Variants in AGBL4 observed in about 807,000 individuals in gnomAD.
AGBL4 encodes the protein AGBL carboxypeptidase 4.
In AGBL4, 58 loss-of-function variants were observed where a neutral mutation model predicts 66.4. That is an observed-to-expected ratio of 0.87 (90% confidence interval 0.71 to 1.09). AGBL4 has a LOEUF of 1.09. Among genes scored for constraint, AGBL4 ranks in the 50% least tolerant of loss-of-function variants. The pLI is 0.00. For synonymous variants in AGBL4, 234 were observed against 222.9 expected (o/e 1.05, Z -0.44); for missense variants, 579 against 631.0 (o/e 0.92, Z 0.88).
chr1:49,731,574 T>C (rs1353111770), intron 2 of AGBL4, among the ~76,000 whole-genome samples: 1 of 152,098 alleles, frequency 6.6e-6, no homozygotes, highest in Non-Finnish European at 1.5e-5. Flanking sequence ...TCATGAAACA[T>C]ATCAATTAGG....
At chr1:50,023,325 C>T (rs1336413920) in intron 1 of AGBL4, among the ~76,000 whole-genome samples, 1 of 152,194 alleles carries the variant, frequency 6.6e-6, no homozygotes, top group Non-Finnish European at 1.5e-5. Flanking sequence ...ACGTATACCT[C>T]CCTCTTTAGA....
chr1:49,602,262 C>T (rs905497950), intron 3 of AGBL4, among the ~76,000 whole-genome samples: 15 of 152,168 alleles, frequency 9.9e-5, no homozygotes, highest in African/African-American at 3.6e-4. Context: ...TCAATTAGTT[C>T]AACCATTGTG....
At chr1:48,650,465 C>A (rs1201048062) in intron 8 of AGBL4, among the ~76,000 whole-genome samples, 2 of 149,386 alleles carry the variant, frequency 1.3e-5, no homozygotes, top group Non-Finnish European at 1.5e-5. Flanking sequence ...TTCCTTCCTT[C>A]CTTCCTTCCT....
chr1:49,696,679 C>A (rs1646991570), intron 3 of AGBL4, among the ~76,000 whole-genome samples: 1 of 151,690 alleles, frequency 6.6e-6, no homozygotes, highest in Non-Finnish European at 1.5e-5. Flanking sequence ...ATTTCAAAAT[C>A]TGAAAAAAAA....
At chr1:49,253,113 A>C (rs1386103705) in intron 3 of AGBL4, among the ~76,000 whole-genome samples, 2 of 152,204 alleles carry the variant, frequency 1.3e-5, no homozygotes, top group East Asian at 3.8e-4. Context: ...TCAGAGTGGA[A>C]GCTGGATAAA....
intron 1 of AGBL4, among the ~76,000 whole-genome samples, chr1:49,980,341 C>G (rs1160930102): frequency 2.0e-5 from 3 of 152,144 alleles, no homozygotes; most frequent in South Asian, 2.1e-4. Flanking sequence ...TATTATCATG[C>G]AACAGATCTC....
intron 6 of AGBL4, among the ~76,000 whole-genome samples, chr1:48,797,691 G>C (rs750216631): frequency 6.6e-6 from 1 of 151,940 alleles, no homozygotes; most frequent in Non-Finnish European, 1.5e-5. Flanking sequence ...TTCGCCACCT[G>C]GGTTTAAGCA....
chr1:49,499,594 T>C (rs545524394), intron 3 of AGBL4, among the ~76,000 whole-genome samples: 73 of 151,958 alleles, frequency 4.8e-4, no homozygotes, highest in African/African-American at 1.7e-3. Flanking sequence ...TTCCCACTTA[T>C]AAGTGAGAAC....
At chr1:49,762,921 G>A (rs1652449273) in intron 2 of AGBL4, among the ~76,000 whole-genome samples, 1 of 152,002 alleles carries the variant, frequency 6.6e-6, no homozygotes, top group Non-Finnish European at 1.5e-5. Flanking sequence ...TTTGTTTTCT[G>A]TACTTTCGAG....
chr1:49,102,031 TAG>T (rs10674266), intron 4 of AGBL4, among the ~76,000 whole-genome samples: 74 of 144,662 alleles, frequency 5.1e-4, no homozygotes, highest in Non-Finnish European at 6.1e-4. Flanking sequence ...GGGAGAGAGA[TAG>T]AGAGAGAGAG....
At chr1:49,319,486 A>AT (rs1003588321) in intron 3 of AGBL4, among the ~76,000 whole-genome samples, 1 of 152,116 alleles carries the variant, frequency 6.6e-6, no homozygotes. Context: ...GCCTTTTTCT[A>AT]TTTTTCTACC....
intron 4 of AGBL4, among the ~76,000 whole-genome samples, chr1:49,130,304 G>T (rs1039440674): frequency 6.6e-6 from 1 of 152,118 alleles, no homozygotes; most frequent in Non-Finnish European, 1.5e-5. Flanking sequence ...CTGTGCAGAA[G>T]CTCTTTAGTT....
At chr1:48,757,383 T>C (rs1643991689) in intron 6 of AGBL4, among the ~76,000 whole-genome samples, 1 of 152,240 alleles carries the variant, frequency 6.6e-6, no homozygotes, top group Admixed American at 6.5e-5. Flanking sequence ...TAAAGAACTT[T>C]ACTAACTTTT....
At chr1:49,732,610 T>A (rs1285576970) in intron 2 of AGBL4, among the ~76,000 whole-genome samples, 1 of 152,082 alleles carries the variant, frequency 6.6e-6, no homozygotes, top group African/African-American at 2.4e-5. Flanking sequence ...GAAATTCTAG[T>A]GTGGAAGAAT....
intron 2 of AGBL4, among the ~76,000 whole-genome samples, chr1:49,810,725 T>A (rs549147359): frequency 6.6e-6 from 1 of 152,164 alleles, no homozygotes; most frequent in Admixed American, 6.5e-5. Context: ...CTAAAGGCTC[T>A]TAAGTGACAT....
intron 1 of AGBL4, among the ~76,000 whole-genome samples, chr1:49,976,952 A>T (rs1355134761): frequency 1.3e-5 from 2 of 152,208 alleles, no homozygotes; most frequent in African/African-American, 2.4e-5. Flanking sequence ...TCTGTAAAAG[A>T]TTAGTCTTTA....
chr1:49,776,662 C>T (rs749658438), intron 2 of AGBL4, among the ~76,000 whole-genome samples: 1 of 152,124 alleles, frequency 6.6e-6, no homozygotes, highest in Admixed American at 6.6e-5. Context: ...TTTCAAACTT[C>T]ATTTTAAATG....
intron 3 of AGBL4, among the ~76,000 whole-genome samples, chr1:49,627,032 G>T (rs889892607): frequency 3.9e-5 from 6 of 152,118 alleles, no homozygotes; most frequent in Non-Finnish European, 7.4e-5. Flanking sequence ...AGCATCTGCT[G>T]TTGCTCATGG....
chr1:49,911,599 G>A (rs1418362776), intron 1 of AGBL4, among the ~76,000 whole-genome samples: 1 of 152,174 alleles, frequency 6.6e-6, no homozygotes, highest in Non-Finnish European at 1.5e-5. Flanking sequence ...GATTGAGGCA[G>A]GATTTTGTGA....
Sources: allele counts gnomAD v4.1 joint callset (sites outside exome capture counted in the v4.1 genomes callset), GRCh38; gene constraint gnomAD v4.1.1; transcripts MANE v1.5; gene names NCBI Gene and HGNC (gene_info 2026-07-23, HGNC 2026-07-21).